SPATS2: variants seen among roughly 807,000 people sequenced by gnomAD.
SPATS2 encodes the protein spermatogenesis-associated serine-rich protein 2.
SPATS2 carries 38 observed loss-of-function variants against 63.7 expected under a neutral mutation model. The observed-to-expected ratio is 0.60, with a 90% CI of 0.46 to 0.78. The LOEUF is 0.78. SPATS2 is among the 30% of genes least tolerant of loss of function. The pLI is 0.00. For missense variants in SPATS2, 588 were observed against 666.2 expected, an observed-to-expected ratio of 0.88 and a Z score of 1.29; for synonymous variants, 207 against 232.9, an observed-to-expected ratio of 0.89 and a Z score of 1.01.
chr12:49,461,338 T>C (rs996878440), intron 3 of SPATS2: 2 of 272,734 alleles, frequency 7.3e-6, no homozygotes, highest in African/African-American at 2.2e-5. Context: ...GGATATTCTA[T>C]GTTGTTTGAG....
intron 2 of SPATS2, among the ~76,000 whole-genome samples, chr12:49,438,537 A>G (rs914383531): frequency 6.6e-6 from 1 of 152,186 alleles, no homozygotes; most frequent in East Asian, 1.9e-4. Context: ...TTTCCATTCT[A>G]CGTTCCCATG....
intron 2 of SPATS2, among the ~76,000 whole-genome samples, chr12:49,413,114 G>C (rs1477337160): frequency 1.3e-5 from 2 of 152,014 alleles, no homozygotes; most frequent in South Asian, 4.2e-4. Context: ...CAAACTTAGT[G>C]CATAAAACCC....
chr12:49,383,053 TG>T (rs1178650859), intron 2 of SPATS2, among the ~76,000 whole-genome samples: 2 of 152,102 alleles, frequency 1.3e-5, no homozygotes, highest in African/African-American at 4.8e-5. Context: ...AGTCTTGCTC[TG>T]TCACCCAGGC....
intron 2 of SPATS2, among the ~76,000 whole-genome samples, chr12:49,436,171 C>T (rs1428018652): frequency 2.6e-5 from 4 of 151,192 alleles, no homozygotes; most frequent in East Asian, 3.9e-4. Flanking sequence ...ACCTCCCAGA[C>T]GGGGTGGTGG....
At chr12:49,489,111 T>C (rs1946343227) in intron 4 of SPATS2, among the ~76,000 whole-genome samples, 1 of 152,222 alleles carries the variant, frequency 6.6e-6, no homozygotes, top group Admixed American at 6.5e-5. Flanking sequence ...TGTTGCTAGT[T>C]CATTTACCTT....
At chr12:49,436,073 T>G (rs560607305) in intron 2 of SPATS2, among the ~76,000 whole-genome samples, 11 of 152,030 alleles carry the variant, frequency 7.2e-5, no homozygotes, top group African/African-American at 2.2e-4. Flanking sequence ...CCATCCGATT[T>G]CTCAATCTTT....
Position 49,453,372 on chromosome 12 carries a change from T to C in SPATS2, c.-243-7398T>C, listed in dbSNP as rs548312689. Among the ~76,000 whole-genome samples, 8 of 152,298 alleles carry C rather than the reference T, an allele frequency of 5.3e-5. No individual in the cohort carries two copies. The South Asian group carries it at 1.7e-3, about 32-fold the overall frequency. On this transcript the variant is annotated intron_variant, in intron 2 of 13. Transcript: ENST00000552918. ...TTGATTTCTGGATTTTTCCTCCTTC[T>C]GAGGGTTTTCGTTGCTTTATTGTTT...
intron 8 of SPATS2, 28 bp downstream of exon 8, chr12:49,497,037 A>G: frequency 6.7e-7 from 1 of 1,502,522 alleles, no homozygotes; most frequent in African/African-American, 1.4e-5. Context: ...CTGTGAGAGA[A>G]AATGAAAAAT....
At chr12:49,502,852 A>T (rs1272927131) in intron 9 of SPATS2, among the ~76,000 whole-genome samples, 1 of 152,174 alleles carries the variant, frequency 6.6e-6, no homozygotes, top group Non-Finnish European at 1.5e-5. Context: ...CTACTAGTTA[A>T]TGCCACTTTC....
chr12:49,436,713 G>T (rs1945303955), intron 2 of SPATS2, among the ~76,000 whole-genome samples: 1 of 144,614 alleles, frequency 6.9e-6, no homozygotes. Context: ...TCCCGGATGG[G>T]GCGGCTGGCC....
At chr12:49,381,035 C>T (rs1406681822) in intron 2 of SPATS2, among the ~76,000 whole-genome samples, 1 of 147,184 alleles carries the variant, frequency 6.8e-6, no homozygotes. Flanking sequence ...TTCTTCACAT[C>T]CTTGTCAACA....
chr12:49,439,160 C>T (rs1042356936), intron 2 of SPATS2, among the ~76,000 whole-genome samples: 2 of 152,108 alleles, frequency 1.3e-5, no homozygotes, highest in African/African-American at 2.4e-5. Context: ...TCCAGGCAGA[C>T]AGAATGGCAA....
chr12:49,378,703 C>A (rs1042582406), intron 2 of SPATS2, among the ~76,000 whole-genome samples: 3 of 151,872 alleles, frequency 2.0e-5, no homozygotes, highest in Non-Finnish European at 2.9e-5. Context: ...TCAGGCAATC[C>A]CCTTGCCTCT....
chr12:49,447,454 G>A (rs1000020958), intron 2 of SPATS2, among the ~76,000 whole-genome samples: 3 of 150,104 alleles, frequency 2.0e-5, no homozygotes, highest in African/African-American at 7.4e-5. Context: ...AGCCAGGATG[G>A]TCTCAATCTC....
intron 2 of SPATS2, among the ~76,000 whole-genome samples, chr12:49,445,335 C>T (rs1467266269): frequency 6.6e-6 from 1 of 152,050 alleles, no homozygotes; most frequent in African/African-American, 2.4e-5. Flanking sequence ...TCTGTACCTA[C>T]TGAGATGATC....
chr12:49,456,941 T>G (rs2137650855), intron 2 of SPATS2, among the ~76,000 whole-genome samples: 1 of 152,294 alleles, frequency 6.6e-6, no homozygotes, highest in South Asian at 2.1e-4. Flanking sequence ...TTCTGAAAGG[T>G]TTGCTTCATT....
Position 49,522,870 on chromosome 12 carries a change from G to T in SPATS2, c.1111+17G>T, listed in dbSNP as rs762954020. ...TTGGACAAGGTGAGATGGTGAGAGG[G>T]TCTGGGCACTACAGGTGGTGATTAT... On this transcript the variant is annotated intron_variant, in intron 12 of 13. Coordinates refer to ENST00000552918, the MANE Select transcript of SPATS2 (RefSeq NM_023071.4). 6.2e-7 allele frequency: 1 copy of T among 1,602,784 alleles called. No individual in the cohort carries two copies. Among genetic ancestry groups the T allele is most frequent in the South Asian group, 1.1e-5 (1 of 90,656 alleles).
At chr12:49,405,872 A>G (rs937411070) in intron 2 of SPATS2, among the ~76,000 whole-genome samples, 2 of 152,122 alleles carry the variant, frequency 1.3e-5, no homozygotes, top group Non-Finnish European at 2.9e-5. Flanking sequence ...ACATATATAA[A>G]TTTTTCAGAT....
At chr12:49,522,652 A>C in intron 11 of SPATS2, 99 bp from the exon 12 acceptor site, 1 of 943,064 alleles carries the variant, frequency 1.1e-6, no homozygotes, top group Non-Finnish European at 1.6e-6. Context: ...GAAGCAATAA[A>C]AAGACAATTG....
Sources: gnomAD v4.1 joint callset for allele counts (sites outside exome capture counted in the v4.1 genomes callset) on GRCh38, gnomAD v4.1.1 for gene constraint, MANE v1.5 for transcripts, NCBI Gene and HGNC (gene_info 2026-07-23, HGNC 2026-07-21) for gene names.